Variants in C2CD3 observed in about 807,000 individuals in gnomAD.
C2CD3 encodes the protein C2 domain-containing protein 3.
C2CD3 carries 148 observed loss-of-function variants against 234.0 expected under a neutral mutation model. That is an observed-to-expected ratio of 0.63 (90% CI 0.55 to 0.72). The LOEUF is 0.72. Ranked by LOEUF, C2CD3 falls within the 30% of genes least tolerant of loss-of-function variation. The probability of loss-of-function intolerance (pLI) is 0.00; values close to 1 mark genes in which losing one functional copy is unlikely to be tolerated. For synonymous variants in C2CD3, 1,000 were observed against 1,035.4 expected, an observed-to-expected ratio of 0.97 and a Z score of 0.66; for missense variants, 2,577 against 2,811.5, an observed-to-expected ratio of 0.92 and a Z score of 1.89.
At chr11:74,093,213 G>A (rs1955966170) in intron 18 of C2CD3, among the ~76,000 whole-genome samples, 2 of 151,314 alleles carry the variant, frequency 1.3e-5, no homozygotes, top group African/African-American at 4.9e-5. Context: ...TTTGTCGGTG[G>A]TGCAGATGTA....
At chr11:74,148,162 C>A (rs1164269803) in intron 3 of C2CD3, among the ~76,000 whole-genome samples, 1 of 152,048 alleles carries the variant, frequency 6.6e-6, no homozygotes, top group African/African-American at 2.4e-5. Context: ...TGGTTAAGAT[C>A]TGTTATGAAA....
chr11:74,141,558 T>C (rs750177172), intron 3 of C2CD3, among the ~76,000 whole-genome samples: 6 of 152,232 alleles, frequency 3.9e-5, no homozygotes, highest in Non-Finnish European at 8.8e-5. Context: ...TGTACTGCCA[T>C]TGGCCCTTGA....
At chr11:74,112,514 G>A (rs61901235) in intron 11 of C2CD3, among the ~76,000 whole-genome samples, 15,921 of 151,870 alleles carry the variant, frequency 0.1, 1,264 homozygotes, top group Non-Finnish European at 0.14. Context: ...GAGAGTGAAA[G>A]GACAACCCAC....
Position 74,108,564 on chromosome 11 carries a change from C to A in C2CD3, c.1962+470G>T, listed in dbSNP as rs150718617. Among the ~76,000 whole-genome samples, 523 of 152,278 alleles carry A rather than the reference C, an allele frequency of 3.4e-3. 2 individuals carry two copies. Among genetic ancestry groups the A allele is most frequent in the Middle Eastern group, 0.024 (7 of 294 alleles). ...ATACCTTATGTATTCTGCCTGCAAA[C>A]AGGAAGTAGAACCTCAAATTAAGGC... On this transcript the variant is annotated intron_variant, in intron 12 of 32. Transcript: ENST00000334126.
intron 3 of C2CD3, among the ~76,000 whole-genome samples, chr11:74,148,324 A>G (rs1013193032): frequency 6.6e-6 from 1 of 152,034 alleles, no homozygotes; most frequent in Non-Finnish European, 1.5e-5. Flanking sequence ...GAAAAAAGCT[A>G]TAGTTAAGTA....
At chr11:74,044,923 T>C (rs985167995) in intron 28 of C2CD3, among the ~76,000 whole-genome samples, 21 of 152,224 alleles carry the variant, frequency 1.4e-4, no homozygotes, top group Non-Finnish European at 2.9e-4. Context: ...TGAGAGTTTT[T>C]AATTTTGATG....
chr11:74,014,551 C>A (rs894773146), intron 32 of C2CD3, among the ~76,000 whole-genome samples: 1 of 152,100 alleles, frequency 6.6e-6, no homozygotes, highest in East Asian at 1.9e-4. Flanking sequence ...GCGAGAGTTG[C>A]GCCCAGCGAG....
At chr11:74,044,801 T>C (rs2135425029) in intron 28 of C2CD3, among the ~76,000 whole-genome samples, 1 of 152,256 alleles carries the variant, frequency 6.6e-6, no homozygotes, top group South Asian at 2.1e-4. Flanking sequence ...AGAGAGAACA[T>C]GTGGTATTTG....
chr11:74,126,560 C>T lies in C2CD3; in HGVS notation c.1218-3425G>A, dbSNP rs144309514. Reference sequence around the variant, plus strand: ...GAGTTCAAGACCAGCCTGGCCAACACGGTGAAACCCCATCTCTACTAAAGA... The same window carrying T: ...GAGTTCAAGACCAGCCTGGCCAACATGGTGAAACCCCATCTCTACTAAAGA... On this transcript the variant is annotated intron_variant, in intron 7 of 32. Transcript: ENST00000334126. Among the ~76,000 whole-genome samples the T allele has an allele frequency of 2.3e-3, 346 of 152,070 alleles. 1 individual carries two copies. Among genetic ancestry groups the T allele is most frequent in the Middle Eastern group, 0.02 (6 of 294 alleles).
At chr11:74,127,006 T>C (rs902292439) in intron 7 of C2CD3, among the ~76,000 whole-genome samples, 1 of 152,248 alleles carries the variant, frequency 6.6e-6, no homozygotes, top group African/African-American at 2.4e-5. Context: ...TATTTGTTTG[T>C]GACTGGCTTC....
chr11:74,071,404 A>T (rs1430584295), intron 24 of C2CD3, among the ~76,000 whole-genome samples: 1 of 152,200 alleles, frequency 6.6e-6, no homozygotes, highest in Non-Finnish European at 1.5e-5. Flanking sequence ...TTTATGTGTC[A>T]GTCAGGCACT....
At chr11:74,138,626 A>T in intron 5 of C2CD3, 94 bp downstream of exon 5, 1 of 987,120 alleles carries the variant, frequency 1.0e-6, no homozygotes. Context: ...CTTAGTTCAA[A>T]CAAGAGTCTT....
intron 26 of C2CD3, among the ~76,000 whole-genome samples, chr11:74,053,108 A>C (rs958370364): frequency 5.9e-5 from 9 of 152,256 alleles, no homozygotes; most frequent in African/African-American, 2.2e-4. Flanking sequence ...AAGGCTGTAC[A>C]GCCAGTAAGA....
intron 32 of C2CD3, among the ~76,000 whole-genome samples, chr11:74,020,051 C>G (rs1289002228): frequency 1.3e-5 from 2 of 152,300 alleles, no homozygotes; most frequent in East Asian, 3.9e-4. Flanking sequence ...TACTTTCTGC[C>G]TCCTACACTC....
At chr11:74,122,888 A>T in intron 8 of C2CD3, 100 bp downstream of exon 8, 5 of 879,958 alleles carry the variant, frequency 5.7e-6, no homozygotes, top group Non-Finnish European at 8.8e-6. Flanking sequence ...AAATTAAGTA[A>T]GGTAAGTTAT....
At chr11:74,047,543 A>C (rs1043246095) in intron 28 of C2CD3, among the ~76,000 whole-genome samples, 5 of 152,222 alleles carry the variant, frequency 3.3e-5, no homozygotes, top group Non-Finnish European at 5.9e-5. Flanking sequence ...GTAGCCCTGA[A>C]TTGGGCCTTA....
At chr11:74,170,223 T>C (rs1280240454) in intron 1 of C2CD3, among the ~76,000 whole-genome samples, 1 of 152,200 alleles carries the variant, frequency 6.6e-6, no homozygotes, top group African/African-American at 2.4e-5. Context: ...CCCGGCTCTA[T>C]ACTCTACAAT....
chr11:74,153,114 A>T (rs1855773917), intron 3 of C2CD3, among the ~76,000 whole-genome samples: 1 of 152,148 alleles, frequency 6.6e-6, no homozygotes, highest in Non-Finnish European at 1.5e-5. Context: ...TTTACTCAGA[A>T]GGCTGAGGCA....
chr11:74,074,380 G>A lies in C2CD3; in HGVS notation c.4824C>T (p.Ala1608=). 6.2e-7 allele frequency: 1 copy of A among 1,614,208 alleles called. No individual in the cohort carries two copies. The highest frequency in any genetic ancestry group is 8.5e-7 in the Non-Finnish European group (1 of 1,180,018). ...TGCTGCTGCAGGGGACCTGGGTGGA[G>A]GCAGGAGACTTCTGGTGGCAGGAGA... ...EVISCHQKSP[A]STQVPCSSTT... Residue 1608 remains alanine (A), a synonymous_variant, in exon 24 of 33, where the codon GCC becomes GCT. Transcript: ENST00000334126.
Sources: allele counts gnomAD v4.1 joint callset (sites outside exome capture counted in the v4.1 genomes callset), GRCh38; gene constraint gnomAD v4.1.1; transcripts MANE v1.5; gene names NCBI Gene and HGNC (gene_info 2026-07-23, HGNC 2026-07-21).